CCNY: variants seen among roughly 807,000 people sequenced by gnomAD.
CCNY encodes cyclin-Y.
In CCNY, 19 loss-of-function variants were observed where a neutral mutation model predicts 42.8. The ratio of observed to expected loss-of-function variants is 0.44; its 90% CI spans 0.31 to 0.65. The LOEUF is 0.65. CCNY is among the 30% of genes least tolerant of loss of function. The pLI, the probability that CCNY is intolerant of heterozygous loss-of-function variation, is 0.07. For synonymous variants in CCNY, 165 were observed against 162.7 expected (o/e 1.01, Z -0.11); for missense variants, 370 against 437.3 (o/e 0.85, Z 1.37).
chr10:35,437,661 C>CA (rs1408037038), intron 1 of CCNY, among the ~76,000 whole-genome samples: 186 of 142,070 alleles, frequency 1.3e-3, no homozygotes, highest in Middle Eastern at 3.6e-3. Context: ...GACTCTGTCT[C>CA]AAAAAAAAAA....
intron 3 of CCNY, among the ~76,000 whole-genome samples, chr10:35,331,409 G>C (rs999776659): frequency 3.3e-5 from 5 of 152,236 alleles, no homozygotes; most frequent in African/African-American, 9.6e-5. Flanking sequence ...AGGCCATTTA[G>C]TCTGGGGACA....
intron 1 of CCNY, among the ~76,000 whole-genome samples, chr10:35,386,768 G>A (rs867519835): frequency 6.6e-6 from 1 of 151,952 alleles, no homozygotes; most frequent in Non-Finnish European, 1.5e-5. Flanking sequence ...GATTATGTGT[G>A]GAAAATGCAT....
At chr10:35,263,095 G>T (rs2095721456) in intron 3 of CCNY, among the ~76,000 whole-genome samples, 2 of 151,942 alleles carry the variant, frequency 1.3e-5, no homozygotes, top group African/African-American at 4.8e-5. Flanking sequence ...GGTGGCTCAC[G>T]CCTGTAATAC....
chr10:35,443,359 T>G (rs1032446647), intron 1 of CCNY, among the ~76,000 whole-genome samples: 1 of 152,248 alleles, frequency 6.6e-6, no homozygotes, highest in African/African-American at 2.4e-5. Context: ...ACAAACACAT[T>G]GGATAGCTGT....
chr10:35,277,313 C>G (rs183415220), intron 3 of CCNY, among the ~76,000 whole-genome samples: 2 of 152,290 alleles, frequency 1.3e-5, no homozygotes. Context: ...GAAGAAACAG[C>G]CCACTTTTGC....
chr10:35,323,528 CACAAGAGTCTAT>C (rs1835845613), intron 3 of CCNY, among the ~76,000 whole-genome samples: 2 of 77,728 alleles, frequency 2.6e-5, no homozygotes, highest in Admixed American at 3.1e-4. Flanking sequence ...AAACCTTACA[CACAAGAGTCTAT>C]ACATTTTATA....
At chr10:35,525,522 A>G (rs1840634917) in intron 4 of CCNY, among the ~76,000 whole-genome samples, 1 of 152,238 alleles carries the variant, frequency 6.6e-6, no homozygotes, top group Non-Finnish European at 1.5e-5. Flanking sequence ...ATTAAGGGAA[A>G]AATAGCAGAC....
intron 4 of CCNY, among the ~76,000 whole-genome samples, chr10:35,519,986 G>A (rs1004869115): frequency 2.0e-5 from 3 of 151,900 alleles, no homozygotes; most frequent in East Asian, 1.9e-4. Flanking sequence ...ACCTTGTTGC[G>A]TAGGCTGGGC....
intron 3 of CCNY, among the ~76,000 whole-genome samples, chr10:35,511,842 G>T (rs1046218802): frequency 3.3e-5 from 5 of 152,130 alleles, no homozygotes; most frequent in Non-Finnish European, 7.4e-5. Flanking sequence ...GAAGTGAACC[G>T]TGAACCTGGA....
At chr10:35,542,167 C>T (rs1841015681) in intron 7 of CCNY, among the ~76,000 whole-genome samples, 2 of 149,184 alleles carry the variant, frequency 1.3e-5, no homozygotes, top group Non-Finnish European at 1.5e-5. Flanking sequence ...GTGATAGTTT[C>T]TCAGGCTTTC....
chr10:35,533,319 T>C (rs565959238), intron 7 of CCNY, among the ~76,000 whole-genome samples: 87 of 152,228 alleles, frequency 5.7e-4, no homozygotes, highest in African/African-American at 2.1e-3. Context: ...CTTTGCACGC[T>C]CCTCTGTTCA....
At chr10:35,556,063 C>G (rs1012037570) in intron 8 of CCNY, among the ~76,000 whole-genome samples, 3 of 152,082 alleles carry the variant, frequency 2.0e-5, no homozygotes, top group African/African-American at 7.2e-5. Context: ...CATTTTTTAG[C>G]CTGTTTTCTG....
At position 35,381,434 on chromosome 10, in the gene CCNY, G is replaced by A. The variant is rs111889741; in HGVS notation, c.154+44227G>A. On this transcript the variant is annotated intron_variant, in intron 1 of 9. Transcript: ENST00000374704. The stretch of plus-strand genomic sequence containing the variant: ...AAATTATCTGGATGTGGTGGCACGT[G>A]CCTGTAATCCCAGCTACTGGAGGGG... Among the ~76,000 whole-genome samples the A allele has an allele frequency of 3.4e-3, 513 of 152,196 alleles. 4 individuals are homozygous for A. Among genetic ancestry groups the A allele is most frequent in the African/African-American group, 0.012 (483 of 41,526 alleles).
chr10:35,523,403 C>G (rs56308534), intron 4 of CCNY, among the ~76,000 whole-genome samples: 59 of 152,286 alleles, frequency 3.9e-4, no homozygotes, highest in African/African-American at 1.2e-3. Flanking sequence ...TAGAGTGAAG[C>G]TACAAGCCTG....
intron 4 of CCNY, among the ~76,000 whole-genome samples, chr10:35,517,836 T>C (rs1840461787): frequency 6.6e-6 from 1 of 152,216 alleles, no homozygotes; most frequent in Admixed American, 6.5e-5. Context: ...ACGTTTACCC[T>C]TGGGCTGTGG....
At chr10:35,519,557 C>T (rs1840501249) in intron 4 of CCNY, among the ~76,000 whole-genome samples, 1 of 152,024 alleles carries the variant, frequency 6.6e-6, no homozygotes, top group Non-Finnish European at 1.5e-5. Context: ...GACAGCTACC[C>T]TCCCCTCCCC....
intron 1 of CCNY, among the ~76,000 whole-genome samples, chr10:35,445,651 G>T (rs1470941921): frequency 6.6e-6 from 1 of 152,144 alleles, no homozygotes; most frequent in Non-Finnish European, 1.5e-5. Flanking sequence ...CTTTTCCTAG[G>T]ATCTTGACTA....
chr10:35,555,056 G>T (rs900771183), intron 8 of CCNY, among the ~76,000 whole-genome samples: 2 of 152,170 alleles, frequency 1.3e-5, no homozygotes, highest in Non-Finnish European at 2.9e-5. Flanking sequence ...TATTTGTCAG[G>T]AGGTACACAC....
intron 3 of CCNY, among the ~76,000 whole-genome samples, chr10:35,253,329 A>G (rs2095713232): frequency 6.6e-6 from 1 of 151,404 alleles, no homozygotes; most frequent in Non-Finnish European, 1.5e-5. Flanking sequence ...AGCTCACTAT[A>G]GCATCCAGCT....
Sources: allele counts gnomAD v4.1 joint callset (sites outside exome capture counted in the v4.1 genomes callset), GRCh38; gene constraint gnomAD v4.1.1; transcripts MANE v1.5; gene names NCBI Gene and HGNC (gene_info 2026-07-23, HGNC 2026-07-21).